Variants in WWOX observed in about 807,000 individuals in gnomAD.
WWOX encodes WW domain-containing oxidoreductase.
WWOX carries 69 observed loss-of-function variants against 46.2 expected under a neutral mutation model. The observed-to-expected ratio is 1.49, with a 90% CI of 1.23 to 1.82. The LOEUF is 1.82. Among genes scored for constraint, WWOX ranks in the 40% most tolerant of loss-of-function variants. The pLI, the probability that WWOX is intolerant of heterozygous loss-of-function variation, is 0.00. For synonymous variants in WWOX, 359 were observed against 202.6 expected, an observed-to-expected ratio of 1.77 and a Z score of -6.56; for missense variants, 919 against 542.6, an observed-to-expected ratio of 1.69 and a Z score of -6.89.
chr16:78,517,122 T>G (rs183360858), intron 8 of WWOX, among the ~76,000 whole-genome samples: 1,636 of 152,336 alleles, frequency 0.011, 26 homozygotes, highest in Middle Eastern at 0.044. Context: ...CCTTCAAATA[T>G]GAAGCAGGTA....
At chr16:78,755,279 C>T (rs929891884) in intron 8 of WWOX, among the ~76,000 whole-genome samples, 11 of 151,716 alleles carry the variant, frequency 7.3e-5, no homozygotes, top group African/African-American at 2.2e-4. Context: ...AAGAGACTCT[C>T]TTCCTTGAAG....
chr16:78,729,382 A>G (rs2048912125), intron 8 of WWOX, among the ~76,000 whole-genome samples: 1 of 151,918 alleles, frequency 6.6e-6, no homozygotes, highest in Admixed American at 6.6e-5. Flanking sequence ...AAATATATAT[A>G]TGCATGCACA....
At chr16:78,490,278 T>C (rs554670098) in intron 8 of WWOX, among the ~76,000 whole-genome samples, 3 of 120,142 alleles carry the variant, frequency 2.5e-5, no homozygotes, top group East Asian at 2.0e-4. Flanking sequence ...CTTTTGGAAG[T>C]GCACAGTATT....
chr16:78,300,599 T>C (rs2080023299), intron 5 of WWOX, among the ~76,000 whole-genome samples: 2 of 151,998 alleles, frequency 1.3e-5, no homozygotes, highest in Non-Finnish European at 2.9e-5. Flanking sequence ...CTCCAAATAG[T>C]TTTTCATGCA....
intron 5 of WWOX, among the ~76,000 whole-genome samples, chr16:78,312,732 A>G (rs537865386): frequency 3.9e-5 from 6 of 152,262 alleles, no homozygotes; most frequent in African/African-American, 1.4e-4. Flanking sequence ...GCATTGGAGG[A>G]AGCAAGACTG....
chr16:78,385,025 T>G (rs1034024012), intron 5 of WWOX, among the ~76,000 whole-genome samples: 1 of 151,958 alleles, frequency 6.6e-6, no homozygotes, highest in Non-Finnish European at 1.5e-5. Context: ...TCCCAGCTAG[T>G]CGGGAGGCTG....
intron 8 of WWOX, among the ~76,000 whole-genome samples, chr16:78,714,893 T>C (rs7193483): frequency 0.45 from 67,752 of 151,966 alleles, 16,125 homozygotes; most frequent in African/African-American, 0.62. Flanking sequence ...TGGAATGATA[T>C]GGTGTGATAT....
At chr16:78,387,083 C>A in intron 6 of WWOX, 135 bp downstream of exon 6, 1 of 839,178 alleles carries the variant, frequency 1.2e-6, no homozygotes, top group East Asian at 2.6e-5. Flanking sequence ...TTATATTGGC[C>A]CTGTTAAGGT....
chr16:78,753,716 TGCTTGAGCCTGGGAA>T (rs2049545639), intron 8 of WWOX, among the ~76,000 whole-genome samples: 1 of 148,600 alleles, frequency 6.7e-6, no homozygotes, highest in Non-Finnish European at 1.5e-5. Flanking sequence ...GTGGGAGGAT[TGCTTGAGCCTGGGAA>T]GTCAAGGCTG....
chr16:78,367,886 A>C (rs1282094328), intron 5 of WWOX, among the ~76,000 whole-genome samples: 1 of 152,064 alleles, frequency 6.6e-6, no homozygotes, highest in South Asian at 2.1e-4. Context: ...CCTCCTGAGT[A>C]GCTGTGATTA....
At chr16:78,923,868 C>T (rs1309146502) in intron 8 of WWOX, among the ~76,000 whole-genome samples, 4 of 139,048 alleles carry the variant, frequency 2.9e-5, no homozygotes, top group South Asian at 2.4e-4. Flanking sequence ...GGCGCGATCT[C>T]GGTTCACTGC....
At chr16:78,660,923 A>G (rs1380391447) in intron 8 of WWOX, among the ~76,000 whole-genome samples, 2 of 152,206 alleles carry the variant, frequency 1.3e-5, no homozygotes, top group East Asian at 1.9e-4. Flanking sequence ...TCAACCTCCT[A>G]ATACTGCATG....
At chr16:79,073,385 G>A (rs561452795) in intron 8 of WWOX, among the ~76,000 whole-genome samples, 104 of 152,028 alleles carry the variant, frequency 6.8e-4, no homozygotes, top group African/African-American at 2.5e-3. Flanking sequence ...TCACCATGTT[G>A]GCCAGGCTGG....
chr16:78,645,966 C>T (rs922801629), intron 8 of WWOX, among the ~76,000 whole-genome samples: 3 of 152,156 alleles, frequency 2.0e-5, no homozygotes, highest in Non-Finnish European at 2.9e-5. Context: ...TCAATTCTGT[C>T]CCTGGCTCTG....
chr16:78,132,619 T>C (rs1033152152), intron 4 of WWOX, among the ~76,000 whole-genome samples: 1 of 152,210 alleles, frequency 6.6e-6, no homozygotes, highest in Non-Finnish European at 1.5e-5. Context: ...TGAGATGGTA[T>C]GTGCTAAAAA....
intron 8 of WWOX, among the ~76,000 whole-genome samples, chr16:78,835,621 T>C (rs952936259): frequency 6.6e-6 from 1 of 152,228 alleles, no homozygotes; most frequent in Non-Finnish European, 1.5e-5. Context: ...ATTATGAATG[T>C]GTTTTATAGA....
intron 8 of WWOX, among the ~76,000 whole-genome samples, chr16:79,130,791 C>G (rs1303522999): frequency 6.6e-6 from 1 of 152,196 alleles, no homozygotes; most frequent in Non-Finnish European, 1.5e-5. Context: ...GGGCTGTGAT[C>G]AAGTACATAT....
intron 8 of WWOX, among the ~76,000 whole-genome samples, chr16:79,047,017 T>A (rs1472460404): frequency 6.6e-6 from 1 of 152,204 alleles, no homozygotes; most frequent in African/African-American, 2.4e-5. Context: ...ACTGACCTTT[T>A]ATCAGAAATT....
chr16:78,753,830 ATATATATATATATATATATATATATG>A (rs2049558454), intron 8 of WWOX, among the ~76,000 whole-genome samples: 4 of 75,296 alleles, frequency 5.3e-5, no homozygotes, highest in Admixed American at 1.2e-4. Flanking sequence ...AAAAAAATAT[ATATATATATATATATATATATATATG>A]TATATGTATA....
Sources: allele counts gnomAD v4.1 joint callset (sites outside exome capture counted in the v4.1 genomes callset), GRCh38; gene constraint gnomAD v4.1.1; transcripts MANE v1.5; gene names NCBI Gene and HGNC (gene_info 2026-07-23, HGNC 2026-07-21).